Variants in ENOX1 observed in about 807,000 individuals in gnomAD.
ENOX1 encodes candidate growth-related and time keeping constitutive hydroquinone (NADH) oxidase.
A neutral mutation model predicts 82.5 loss-of-function variants in ENOX1; 42 were observed. The observed-to-expected ratio is 0.51, with a 90% CI of 0.40 to 0.66. The LOEUF is 0.66. Among genes scored for constraint, ENOX1 ranks in the 30% least tolerant of loss-of-function variants. ENOX1 has a pLI of 0.00. For synonymous variants in ENOX1, 271 were observed against 282.2 expected, an observed-to-expected ratio of 0.96 and a Z score of 0.40; for missense variants, 608 against 811.6, an observed-to-expected ratio of 0.75 and a Z score of 3.05.
intron 1 of ENOX1, among the ~76,000 whole-genome samples, chr13:43,702,227 T>C (rs944764860): frequency 6.6e-6 from 1 of 152,242 alleles, no homozygotes; most frequent in Non-Finnish European, 1.5e-5. Context: ...TTGATCATCA[T>C]ACAAATTGAC....
intron 2 of ENOX1, among the ~76,000 whole-genome samples, chr13:43,537,296 T>C (rs1446611169): frequency 6.6e-6 from 1 of 152,170 alleles, no homozygotes; most frequent in East Asian, 1.9e-4. Flanking sequence ...AACTCCCAGC[T>C]ACCAATGACA....
intron 14 of ENOX1, among the ~76,000 whole-genome samples, chr13:43,251,566 G>A (rs1282546121): frequency 6.6e-6 from 1 of 152,180 alleles, no homozygotes; most frequent in Non-Finnish European, 1.5e-5. Flanking sequence ...ATGATAAATT[G>A]TAGGAATCTA....
intron 2 of ENOX1, among the ~76,000 whole-genome samples, chr13:43,554,218 G>A (rs534500989): frequency 2.0e-5 from 3 of 152,198 alleles, no homozygotes; most frequent in East Asian, 3.9e-4. Context: ...TATGGAATGC[G>A]AAAGGCAGGT....
At position 43,714,506 on chromosome 13, in the gene ENOX1, C is replaced by G. The variant is rs1343820090; in HGVS notation, c.-284-46962G>C. The stretch of plus-strand genomic sequence containing the variant: ...GTCTCGTTGATCTGTCTAATGTTGA[C>G]AGTGGGGTGTTAAAGTCTCCCGTTA... On this transcript the variant is annotated intron_variant, in intron 1 of 16. Transcript: ENST00000690772. 2.6e-5 allele frequency among the ~76,000 whole-genome samples: 4 copies of G among 152,260 alleles called. No individual in the cohort carries two copies. The South Asian group carries it at 6.2e-4, about 24-fold the overall frequency.
intron 2 of ENOX1, among the ~76,000 whole-genome samples, chr13:43,629,597 T>TTCCAG (rs1475350019): frequency 6.6e-6 from 1 of 152,224 alleles, no homozygotes; most frequent in African/African-American, 2.4e-5. Context: ...AAAGTGGAAT[T>TTCCAG]CTGTATTTTT....
At chr13:43,467,981 A>AT (rs111966396) in intron 3 of ENOX1, among the ~76,000 whole-genome samples, 72,844 of 151,820 alleles carry the variant, frequency 0.48, 17,959 homozygotes, top group African/African-American at 0.54. Flanking sequence ...CCACAGATAT[A>AT]AGGTTTATTC....
chr13:43,293,410 A>G (rs1238015892), intron 12 of ENOX1, among the ~76,000 whole-genome samples: 3 of 151,998 alleles, frequency 2.0e-5, no homozygotes, highest in Non-Finnish European at 4.4e-5. Flanking sequence ...CATAGTCACC[A>G]AAACAACCAC....
intron 2 of ENOX1, among the ~76,000 whole-genome samples, chr13:43,592,392 A>T (rs1459525487): frequency 6.6e-6 from 1 of 152,244 alleles, no homozygotes; most frequent in Non-Finnish European, 1.5e-5. Context: ...TAAGTAATTT[A>T]TGGGAACATT....
intron 2 of ENOX1, among the ~76,000 whole-genome samples, chr13:43,648,713 C>T (rs1444092887): frequency 6.6e-6 from 1 of 152,196 alleles, no homozygotes; most frequent in East Asian, 1.9e-4. Context: ...TCTAATTTTC[C>T]TGTCTCCACT....
chr13:43,360,101 T>C, intron 6 of ENOX1, 44 bp from the exon 7 acceptor site: 1 of 1,576,472 alleles, frequency 6.3e-7, no homozygotes, highest in South Asian at 1.1e-5. Context: ...TTCATTTATT[T>C]GCTTTCTCTG....
intron 1 of ENOX1, among the ~76,000 whole-genome samples, chr13:43,766,387 A>G (rs1371530937): frequency 6.6e-6 from 1 of 152,212 alleles, no homozygotes; most frequent in African/African-American, 2.4e-5. Flanking sequence ...TTCTTGTCAC[A>G]GAGAGAGAAA....
chr13:43,424,565 A>C (rs1471129374), intron 3 of ENOX1, among the ~76,000 whole-genome samples: 1 of 152,228 alleles, frequency 6.6e-6, no homozygotes, highest in East Asian at 1.9e-4. Context: ...TCTTTAAACA[A>C]ATGTGCTCTT....
intron 14 of ENOX1, among the ~76,000 whole-genome samples, chr13:43,247,859 A>T (rs866710199): frequency 5.1e-3 from 9 of 1,752 alleles, no homozygotes; most frequent in African/African-American, 4.8e-3. Context: ...ATATATATAT[A>T]TATATATATA....
chr13:43,226,902 G>A (rs919760395), intron 15 of ENOX1, among the ~76,000 whole-genome samples: 3 of 152,252 alleles, frequency 2.0e-5, no homozygotes, highest in African/African-American at 7.2e-5. Flanking sequence ...GGGTGACAAG[G>A]GTGTATAAGT....
In ENOX1 at chr13:43,584,317, C is replaced by T. The variant is rs189787569; in HGVS notation, c.-219+83162G>A. 2.8e-3 allele frequency among the ~76,000 whole-genome samples: 426 copies of T among 152,264 alleles called. 2 individuals carry two copies. The highest frequency in any genetic ancestry group is 1.9e-3 in the Non-Finnish European group (126 of 68,028). On this transcript the variant is annotated intron_variant, in intron 2 of 16. Coordinates refer to ENST00000690772, the MANE Select transcript of ENOX1 (RefSeq NM_001347969.2). ...CATCCCCCCACTATACACATCCATC[C>T]GCTTCATATTTTCATTTCTCATAAT...
At chr13:43,421,375 G>A (rs773742726) in intron 3 of ENOX1, among the ~76,000 whole-genome samples, 11 of 152,150 alleles carry the variant, frequency 7.2e-5, no homozygotes, top group South Asian at 2.1e-4. Context: ...TTAACTTTAC[G>A]ATGGTGAGAA....
intron 11 of ENOX1, among the ~76,000 whole-genome samples, chr13:43,305,960 C>G (rs1330041214): frequency 6.6e-6 from 1 of 152,176 alleles, no homozygotes; most frequent in Non-Finnish European, 1.5e-5. Flanking sequence ...TCAGCCCCTG[C>G]CCAGCCTGGC....
At chr13:43,412,801 C>A (rs1275125652) in intron 4 of ENOX1, 44 bp downstream of exon 4, 2 of 1,609,014 alleles carry the variant, frequency 1.2e-6, no homozygotes, top group African/African-American at 2.7e-5. Context: ...ACTAAGAACT[C>A]AAAAAATCCT....
At chr13:43,657,799 T>A (rs1388567717) in intron 2 of ENOX1, among the ~76,000 whole-genome samples, 2 of 152,150 alleles carry the variant, frequency 1.3e-5, no homozygotes, top group African/African-American at 2.4e-5. Context: ...ACCTATGGAG[T>A]GACTGCTCTA....
Sources: allele counts gnomAD v4.1 joint callset (sites outside exome capture counted in the v4.1 genomes callset), GRCh38; gene constraint gnomAD v4.1.1; transcripts MANE v1.5; gene names NCBI Gene and HGNC (gene_info 2026-07-23, HGNC 2026-07-21).